Variants in LGSN observed in about 807,000 individuals in gnomAD.
LGSN encodes lengsin, lens protein with glutamine synthetase domain.
Under a neutral mutation model 19.5 loss-of-function variants are expected in LGSN, and 21 were observed. The observed-to-expected ratio is 1.07, with a 90% CI of 0.76 to 1.55. The LOEUF (loss-of-function observed/expected upper bound fraction) is 1.55, where lower values mean the gene tolerates loss of function less well. LGSN is among the 40% of genes most tolerant of loss of function. The pLI, the probability that LGSN is intolerant of heterozygous loss-of-function variation, is 0.00. For missense variants in LGSN, 673 were observed against 608.5 expected (o/e 1.11, Z -1.12); for synonymous variants, 257 against 215.6 (o/e 1.19, Z -1.68).
chr6:63,521,155 A>G, the LGSN span, among the ~76,000 whole-genome samples: 1 of 152,120 alleles, frequency 6.6e-6, no homozygotes, highest in Non-Finnish European at 1.5e-5. Flanking sequence ...GGTGCAACAA[A>G]CCACCATGGT....
the LGSN span, among the ~76,000 whole-genome samples, chr6:63,336,650 G>A: frequency 6.7e-6 from 1 of 150,092 alleles, no homozygotes; most frequent in Non-Finnish European, 1.5e-5. Flanking sequence ...TTTTGAAATG[G>A]ACTCTCGTTC....
chr6:63,316,336 C>T (rs950949301), intron 1 of LGSN, among the ~76,000 whole-genome samples: 1 of 152,076 alleles, frequency 6.6e-6, no homozygotes, highest in African/African-American at 2.4e-5. Flanking sequence ...TTATTTCTAA[C>T]AAATTGGCTA....
chr6:63,485,192 C>G, the LGSN span, among the ~76,000 whole-genome samples: 3 of 152,168 alleles, frequency 2.0e-5, no homozygotes, highest in Non-Finnish European at 4.4e-5. Flanking sequence ...CTCCCACCCT[C>G]TACCCTCCAA....
chr6:63,514,054 G>C, the LGSN span, among the ~76,000 whole-genome samples: 1 of 151,260 alleles, frequency 6.6e-6, no homozygotes, highest in African/African-American at 2.4e-5. Context: ...AATAATTAGC[G>C]AAAAATCTGT....
chr6:63,318,431 A>G (rs1474222261), intron 1 of LGSN, among the ~76,000 whole-genome samples: 2 of 152,118 alleles, frequency 1.3e-5, no homozygotes, highest in African/African-American at 4.8e-5. Flanking sequence ...CCCTCCTTCC[A>G]TATTCTTTCA....
At chr6:63,294,732 T>G (rs1438339841) in intron 2 of LGSN, among the ~76,000 whole-genome samples, 181 bp downstream of exon 2, 1 of 152,196 alleles carries the variant, frequency 6.6e-6, no homozygotes, top group African/African-American at 2.4e-5. Flanking sequence ...TGATTGGTTA[T>G]TTTTATATAT....
the LGSN span, among the ~76,000 whole-genome samples, chr6:63,457,403 G>A: frequency 6.6e-6 from 1 of 152,118 alleles, no homozygotes. Flanking sequence ...TACTCGGGAG[G>A]CTGAGGCACA....
the LGSN span, among the ~76,000 whole-genome samples, chr6:63,530,897 T>C: frequency 6.6e-6 from 1 of 152,206 alleles, no homozygotes; most frequent in East Asian, 1.9e-4. Flanking sequence ...CTATCAGAGA[T>C]GTAATGATTA....
At chr6:63,355,626 G>T in the LGSN span, among the ~76,000 whole-genome samples, 1 of 152,136 alleles carries the variant, frequency 6.6e-6, no homozygotes, top group Admixed American at 6.6e-5. Context: ...CTAGTCGTTT[G>T]CTGGCAATCT....
the LGSN span, among the ~76,000 whole-genome samples, chr6:63,470,096 CAG>C: frequency 6.6e-6 from 1 of 151,516 alleles, no homozygotes; most frequent in South Asian, 2.1e-4. Context: ...GAAAGAGAGA[CAG>C]AGGGAGGGAG....
chr6:63,567,526 A>G, the LGSN span, among the ~76,000 whole-genome samples: 2 of 152,244 alleles, frequency 1.3e-5, no homozygotes, highest in African/African-American at 4.8e-5. Context: ...TTAGTGAGCC[A>G]TGCTAAACAG....
At chr6:63,550,551 G>A in the LGSN span, 1 of 152,230 alleles carries the variant, frequency 6.6e-6, no homozygotes, top group South Asian at 2.1e-4. Flanking sequence ...CTCGAGCCTT[G>A]GTTCGGGTGC....
At chr6:63,525,930 T>C in the LGSN span, among the ~76,000 whole-genome samples, 1 of 152,224 alleles carries the variant, frequency 6.6e-6, no homozygotes, top group South Asian at 2.1e-4. Context: ...AACGTATCTC[T>C]AAGACAGTCT....
the LGSN span, among the ~76,000 whole-genome samples, chr6:63,508,093 T>C: frequency 1.3e-5 from 2 of 152,350 alleles, no homozygotes; most frequent in African/African-American, 2.4e-5. Context: ...ATTTAACTAG[T>C]TCAAGAGTAA....
the LGSN span, among the ~76,000 whole-genome samples, chr6:63,501,868 G>T: frequency 6.6e-6 from 1 of 152,080 alleles, no homozygotes; most frequent in Non-Finnish European, 1.5e-5. Flanking sequence ...ACGATCACAG[G>T]TAACTGCATC....
At chr6:63,477,348 ATTC>A in the LGSN span, among the ~76,000 whole-genome samples, 1 of 152,204 alleles carries the variant, frequency 6.6e-6, no homozygotes, top group African/African-American at 2.4e-5. Flanking sequence ...ACATTTAATC[ATTC>A]TTCTTTTGTT....
chr6:63,535,960 A>T, the LGSN span, among the ~76,000 whole-genome samples: 4 of 152,038 alleles, frequency 2.6e-5, no homozygotes, highest in African/African-American at 9.6e-5. Context: ...TTTTGTAGAG[A>T]CAGTGTTTCA....
the LGSN span, among the ~76,000 whole-genome samples, chr6:63,368,126 A>G: frequency 8.5e-6 from 1 of 117,500 alleles, no homozygotes. Context: ...AGAAAAAAAG[A>G]AAAAAAAAGA....
chr6:63,456,997 A>G, the LGSN span, among the ~76,000 whole-genome samples: 1 of 152,188 alleles, frequency 6.6e-6, no homozygotes, highest in Admixed American at 6.5e-5. Context: ...TATGGAGAAA[A>G]CAACCTTATT....
Sources: gnomAD v4.1 joint callset for allele counts (sites outside exome capture counted in the v4.1 genomes callset) on GRCh38, gnomAD v4.1.1 for gene constraint, MANE v1.5 for transcripts, NCBI Gene and HGNC (gene_info 2026-07-23, HGNC 2026-07-21) for gene names.